ANKRD30B: variants seen among roughly 807,000 people sequenced by gnomAD.
ANKRD30B encodes ankyrin repeat domain-containing protein 30B.
A neutral mutation model predicts 202.2 loss-of-function variants in ANKRD30B; 144 were observed. The ratio of observed to expected loss-of-function variants is 0.71; its 90% confidence interval spans 0.62 to 0.82. The LOEUF (loss-of-function observed/expected upper bound fraction) is 0.82. Ranked by LOEUF, ANKRD30B falls within the 40% of genes least tolerant of loss-of-function variation. The pLI is 0.00. For missense variants in ANKRD30B, 1,487 were observed against 1,669.1 expected, an observed-to-expected ratio of 0.89 and a Z score of 1.90; for synonymous variants, 508 against 561.3, an observed-to-expected ratio of 0.91 and a Z score of 1.34.
intron 36 of ANKRD30B, among the ~76,000 whole-genome samples, chr18:14,838,250 A>G (rs1482446429): frequency 6.6e-6 from 1 of 151,948 alleles, no homozygotes; most frequent in Non-Finnish European, 1.5e-5. Context: ...ACATTCATTT[A>G]TGAGCAACTG....
At chr18:14,846,921 A>G (rs2143231106) in intron 39 of ANKRD30B, among the ~76,000 whole-genome samples, 1 of 151,530 alleles carries the variant, frequency 6.6e-6, no homozygotes, top group East Asian at 1.9e-4. Context: ...TTTATAATGT[A>G]ATTATTGATG....
the ANKRD30B span, among the ~76,000 whole-genome samples, chr18:14,880,362 G>C: frequency 6.6e-6 from 1 of 152,048 alleles, no homozygotes; most frequent in African/African-American, 2.4e-5. Flanking sequence ...CTGGCTACAT[G>C]GCTTTCTTTT....
intron 5 of ANKRD30B, chr18:14,759,305 A>C (rs529449145): frequency 2.0e-5 from 3 of 152,330 alleles, no homozygotes; most frequent in Non-Finnish European, 4.4e-5. Flanking sequence ...TGCAGTCCCC[A>C]AAAGGACATT....
the ANKRD30B span, among the ~76,000 whole-genome samples, chr18:14,916,850 G>A: frequency 3.4e-3 from 518 of 152,164 alleles, 1 homozygote; most frequent in African/African-American, 0.012. Context: ...CCTGCAAAGT[G>A]AGCACTGTCA....
intron 6 of ANKRD30B, among the ~76,000 whole-genome samples, chr18:14,762,544 C>G (rs1915420156): frequency 6.6e-6 from 1 of 152,138 alleles, no homozygotes; most frequent in Non-Finnish European, 1.5e-5. Context: ...TAAGTTGAAA[C>G]CAAATAAGAT....
chr18:14,870,219 A>G, the ANKRD30B span, among the ~76,000 whole-genome samples: 3 of 152,304 alleles, frequency 2.0e-5, no homozygotes, highest in Admixed American at 6.5e-5. Flanking sequence ...GGCTCAGACA[A>G]TCCTTCTGCC....
chr18:14,826,726 C>CACACACACAA (rs1491141968), intron 32 of ANKRD30B, among the ~76,000 whole-genome samples: 3 of 149,108 alleles, frequency 2.0e-5, no homozygotes, highest in Non-Finnish European at 3.0e-5. Context: ...CACACACACA[C>CACACACACAA]AAGTACAGTA....
intron 7 of ANKRD30B, among the ~76,000 whole-genome samples, chr18:14,768,350 T>C (rs994079767): frequency 1.3e-5 from 2 of 152,200 alleles, no homozygotes; most frequent in Non-Finnish European, 2.9e-5. Flanking sequence ...ATACCCTTCA[T>C]AATAAACTGG....
intron 30 of ANKRD30B, among the ~76,000 whole-genome samples, chr18:14,821,156 T>C (rs1970399442): frequency 6.6e-6 from 1 of 152,128 alleles, no homozygotes; most frequent in African/African-American, 2.4e-5. Flanking sequence ...TGCGTAGAGG[T>C]GTTTGTAGTA....
intron 33 of ANKRD30B, among the ~76,000 whole-genome samples, chr18:14,828,807 C>T (rs1014660291): frequency 1.3e-5 from 2 of 152,160 alleles, no homozygotes; most frequent in African/African-American, 4.8e-5. Flanking sequence ...TTATCACCAA[C>T]GTTTTTAGAG....
At position 14,782,411 on chromosome 18, in the gene ANKRD30B, T is replaced by G. The variant is rs1967806652; in HGVS notation, c.1483-116T>G. 6 of 755,486 alleles carry G rather than the reference T, an allele frequency of 7.9e-6. No homozygotes were observed. In the South Asian group the frequency reaches 1.2e-4, roughly 15 times the overall value. The allele number at this position is 755,486 out of a possible 1,614,324, so 46.8% of individuals were successfully genotyped here. A position where few individuals can be genotyped will look rare whatever the true frequency, so the allele number is the denominator to read the frequency against. The stretch of plus-strand genomic sequence containing the variant: ...CGTGATTTTCAATATGTGCCTATCC[T>G]CAAATCAAATTGCCTTTGAAGTCAG... On this transcript the variant is annotated intron_variant, in intron 11 of 43. Coordinates refer to ENST00000690538, the MANE Select transcript of ANKRD30B (RefSeq NM_001367607.2).
chr18:14,874,730 C>T, the ANKRD30B span, among the ~76,000 whole-genome samples: 2 of 152,186 alleles, frequency 1.3e-5, no homozygotes, highest in African/African-American at 4.8e-5. Flanking sequence ...TAGAAGGGAC[C>T]TATAAGCTTA....
chr18:14,780,339 G>A (rs1967643181), intron 11 of ANKRD30B, among the ~76,000 whole-genome samples: 1 of 152,034 alleles, frequency 6.6e-6, no homozygotes, highest in Non-Finnish European at 1.5e-5. Flanking sequence ...CAGCTACTCG[G>A]GAAGCTGAGG....
At chr18:14,781,462 T>C (rs1173382191) in intron 11 of ANKRD30B, among the ~76,000 whole-genome samples, 1 of 151,954 alleles carries the variant, frequency 6.6e-6, no homozygotes, top group African/African-American at 2.4e-5. Context: ...GCCCAGCTAA[T>C]TTTTTTGCAT....
At chr18:14,783,099 T>C (rs1320935130) in intron 12 of ANKRD30B, among the ~76,000 whole-genome samples, 1 of 152,150 alleles carries the variant, frequency 6.6e-6, no homozygotes, top group East Asian at 1.9e-4. Context: ...TTCTCACTAC[T>C]GGGGAGGCAT....
At chr18:14,855,848 C>G, downstream of ANKRD30B, among the ~76,000 whole-genome samples, 1 of 150,118 alleles carries the variant, frequency 6.7e-6, no homozygotes, top group Non-Finnish European at 1.5e-5. Context: ...CTCCTCACCT[C>G]CCAGACGTCG....
the ANKRD30B span, among the ~76,000 whole-genome samples, chr18:14,932,259 T>C: frequency 6.6e-6 from 1 of 151,868 alleles, no homozygotes; most frequent in Non-Finnish European, 1.5e-5. Context: ...CTGAAGGCTG[T>C]GGCAGTGGCC....
chr18:14,889,195 C>G, the ANKRD30B span, among the ~76,000 whole-genome samples: 2 of 151,648 alleles, frequency 1.3e-5, no homozygotes, highest in Admixed American at 1.3e-4. Flanking sequence ...CCTATTTCCC[C>G]CTAAGTAACA....
At position 14,748,449 on chromosome 18, in the gene ANKRD30B, G is replaced by A; in HGVS notation, c.30G>A (p.Lys10=). Residue 10 remains lysine (K), a synonymous_variant, in exon 1 of 44, where the codon AAG becomes AAA. Coordinates refer to ENST00000690538, the MANE Select transcript of ANKRD30B (RefSeq NM_001367607.2). MKRLLAAAG[K]GVRGPEPPNP... ...AGAGGCTCTTAGCTGCCGCTGGCAA[G>A]GGCGTGCGGGGCCCGGAGCCCCCGA... is the stretch of plus-strand genomic sequence containing the variant. The A allele has an allele frequency of 1.3e-6, 2 of 1,526,596 alleles. No homozygotes were observed. The highest frequency in any genetic ancestry group is 1.8e-6 in the Non-Finnish European group (2 of 1,134,464). 94.6% of individuals were successfully genotyped at this position (1,526,596 alleles called of 1,614,324 possible).
Sources: gnomAD v4.1 joint callset for allele counts (sites outside exome capture counted in the v4.1 genomes callset) on GRCh38, gnomAD v4.1.1 for gene constraint, MANE v1.5 for transcripts, NCBI Gene and HGNC (gene_info 2026-07-23, HGNC 2026-07-21) for gene names.